The following GLIS3 variants were observed in gnomAD, a reference collection of about 807,000 sequenced individuals.
The protein encoded by GLIS3 is GLIS family zinc finger 3, also known as zinc finger protein GLIS3.
Under a neutral mutation model 78.6 loss-of-function variants are expected in GLIS3, and 53 were observed. The ratio of observed to expected loss-of-function variants is 0.67; its 90% CI spans 0.54 to 0.85. The LOEUF (loss-of-function observed/expected upper bound fraction) is 0.85, where lower values mean the gene tolerates loss of function less well. Among genes scored for constraint, GLIS3 ranks in the 40% least tolerant of loss-of-function variants. The probability of loss-of-function intolerance (pLI) is 0.00; values close to 1 mark genes in which losing one functional copy is unlikely to be tolerated. For synonymous variants in GLIS3, 684 were observed against 509.9 expected (o/e 1.34, Z -4.60); for missense variants, 1,703 against 1,231.1 (o/e 1.38, Z -5.74).
chr9:4,163,262 A>G (rs200997523), intron 2 of GLIS3, among the ~76,000 whole-genome samples: 1 of 103,414 alleles, frequency 9.7e-6, no homozygotes, highest in African/African-American at 2.9e-5. Context: ...ACACACACAC[A>G]CACACACGCG....
At chr9:3,928,488 T>G (rs1354074340) in intron 6 of GLIS3, among the ~76,000 whole-genome samples, 1 of 152,198 alleles carries the variant, frequency 6.6e-6, no homozygotes, top group African/African-American at 2.4e-5. Context: ...TCTTAAAGAT[T>G]CAAAGAACTG....
At chr9:4,172,834 T>C (rs76880527) in intron 2 of GLIS3, among the ~76,000 whole-genome samples, 4,487 of 152,228 alleles carry the variant, frequency 0.029, 225 homozygotes, top group African/African-American at 0.1. Context: ...TCAGGGGCCA[T>C]ACTCACAAAT....
rs1036785789 is a variant in GLIS3, at chr9:3,863,183, G to A, written c.2298-6999C>T. Among the ~76,000 whole-genome samples the A allele has an allele frequency of 2.6e-5, 4 of 152,238 alleles. No homozygotes were observed. The East Asian group carries it at 7.7e-4, about 29-fold the overall frequency. Reference sequence around the variant, plus strand: ...AGCAGACTTTAGTGGTCTTTATAACGATTTATGAATCACTTCATGAATTCC... The same window carrying A: ...AGCAGACTTTAGTGGTCTTTATAACAATTTATGAATCACTTCATGAATTCC... On this transcript the variant is annotated intron_variant, in intron 8 of 10. Coordinates refer to ENST00000381971, the MANE Select transcript of GLIS3 (RefSeq NM_001042413.2).
intron 4 of GLIS3, among the ~76,000 whole-genome samples, chr9:3,973,959 C>CT (rs1475195201): frequency 6.6e-6 from 1 of 152,090 alleles, no homozygotes; most frequent in East Asian, 1.9e-4. Context: ...TGTTAGATTT[C>CT]TTAAAAGAAA....
At chr9:4,428,483 C>CAAAAAAAA in the GLIS3 span, among the ~76,000 whole-genome samples, 2 of 48,460 alleles carry the variant, frequency 4.1e-5, no homozygotes, top group African/African-American at 1.7e-4. Context: ...GACTCTGTCT[C>CAAAAAAAA]AAAAAAAAAA....
At chr9:3,851,801 A>T (rs1041857196) in intron 9 of GLIS3, among the ~76,000 whole-genome samples, 3 of 152,212 alleles carry the variant, frequency 2.0e-5, no homozygotes, top group African/African-American at 7.2e-5. Context: ...ATATAAATGT[A>T]TATTTATTTT....
chr9:4,126,114 A>T (rs938467373), intron 2 of GLIS3, among the ~76,000 whole-genome samples, 173 bp from the exon 3 acceptor site: 2 of 152,180 alleles, frequency 1.3e-5, no homozygotes, highest in East Asian at 1.9e-4. Context: ...ACAAAGCCAT[A>T]ACGCTATAAT....
intron 2 of GLIS3, among the ~76,000 whole-genome samples, chr9:4,231,377 T>C (rs1822237551): frequency 6.6e-6 from 1 of 152,160 alleles, no homozygotes; most frequent in Non-Finnish European, 1.5e-5. Context: ...TTCTCTAAAA[T>C]TAAGGTTCGG....
At chr9:3,925,808 C>G (rs1825182394) in intron 6 of GLIS3, among the ~76,000 whole-genome samples, 1 of 152,198 alleles carries the variant, frequency 6.6e-6, no homozygotes. Flanking sequence ...TGTTTGAGAT[C>G]TTTATTTAGA....
At chr9:4,317,974 T>G (rs1817465923) in intron 2 of GLIS3, among the ~76,000 whole-genome samples, 1 of 152,222 alleles carries the variant, frequency 6.6e-6, no homozygotes, top group Admixed American at 6.5e-5. Context: ...ATCTACATGG[T>G]AAAATCTCTG....
At chr9:4,268,859 C>G (rs1350358233) in intron 2 of GLIS3, among the ~76,000 whole-genome samples, 3 of 152,208 alleles carry the variant, frequency 2.0e-5, no homozygotes, top group Non-Finnish European at 2.9e-5. Flanking sequence ...TATCTCCCAA[C>G]CCCTTCCTTT....
At chr9:4,430,613 T>C in the GLIS3 span, among the ~76,000 whole-genome samples, 2 of 152,234 alleles carry the variant, frequency 1.3e-5, no homozygotes, top group Admixed American at 6.5e-5. Context: ...CACTATGTTC[T>C]GATAAATCAA....
chr9:4,025,155 G>C (rs915965998), intron 4 of GLIS3, among the ~76,000 whole-genome samples: 1 of 152,078 alleles, frequency 6.6e-6, no homozygotes, highest in African/African-American at 2.4e-5. Context: ...GGGAGGCTGA[G>C]GCAGGAGAAT....
chr9:4,363,462 G>C, the GLIS3 span, among the ~76,000 whole-genome samples: 75 of 152,132 alleles, frequency 4.9e-4, no homozygotes, highest in African/African-American at 1.7e-3. Flanking sequence ...CCAAAAATCT[G>C]GGAATCATTA....
the GLIS3 span, among the ~76,000 whole-genome samples, chr9:4,444,406 T>G: frequency 6.6e-6 from 1 of 152,342 alleles, no homozygotes; most frequent in South Asian, 2.1e-4. Flanking sequence ...TTAGTTAACA[T>G]CATTAGCTCA....
chr9:4,053,100 C>G (rs530637133), intron 4 of GLIS3, among the ~76,000 whole-genome samples: 26 of 152,174 alleles, frequency 1.7e-4, no homozygotes, highest in Non-Finnish European at 3.7e-4. Flanking sequence ...GGCGCACACC[C>G]CCACATCTGG....
intron 4 of GLIS3, among the ~76,000 whole-genome samples, chr9:4,100,865 T>A (rs1830318715): frequency 6.6e-6 from 1 of 152,160 alleles, no homozygotes; most frequent in Non-Finnish European, 1.5e-5. Context: ...TTCTACGTAA[T>A]CTATGTGCAT....
chr9:4,003,775 G>C (rs1237413392), intron 4 of GLIS3, among the ~76,000 whole-genome samples: 1 of 152,208 alleles, frequency 6.6e-6, no homozygotes, highest in Non-Finnish European at 1.5e-5. Flanking sequence ...ATGGTGAGCT[G>C]TCTCATGGAA....
intron 4 of GLIS3, among the ~76,000 whole-genome samples, chr9:4,094,060 A>G (rs779104474): frequency 2.0e-5 from 3 of 152,272 alleles, no homozygotes; most frequent in Non-Finnish European, 4.4e-5. Flanking sequence ...CTTCCAGATC[A>G]TCTGTTCCGT....
Sources: allele counts gnomAD v4.1 joint callset (sites outside exome capture counted in the v4.1 genomes callset), GRCh38; gene constraint gnomAD v4.1.1; transcripts MANE v1.5; gene names NCBI Gene and HGNC (gene_info 2026-07-23, HGNC 2026-07-21).